The following USP4 variants were observed in gnomAD, a reference collection of about 807,000 sequenced individuals.
USP4 encodes ubiquitin specific peptidase 4.
A neutral mutation model predicts 118.2 loss-of-function variants in USP4; 72 were observed. The observed-to-expected ratio is 0.61, with a 90% CI of 0.50 to 0.74. The LOEUF is 0.74. USP4 is among the 30% of genes least tolerant of loss of function. USP4 has a pLI of 0.00. For missense variants in USP4, 1,037 were observed against 1,185.7 expected, an observed-to-expected ratio of 0.87 and a Z score of 1.84; for synonymous variants, 415 against 440.4, an observed-to-expected ratio of 0.94 and a Z score of 0.72.
chr3:49,283,238 T>G (rs545924649), intron 19 of USP4, among the ~76,000 whole-genome samples: 1 of 151,544 alleles, frequency 6.6e-6, no homozygotes, highest in African/African-American at 2.4e-5. Flanking sequence ...ATGGTCTCGA[T>G]CTCCAGACCT....
At chr3:49,316,128 G>A (rs1368889717) in intron 6 of USP4, among the ~76,000 whole-genome samples, 1 of 151,944 alleles carries the variant, frequency 6.6e-6, no homozygotes, top group East Asian at 1.9e-4. Flanking sequence ...CTTGAACCCG[G>A]GAGGTGGAGG....
At chr3:49,287,142 G>A (rs2047103214) in intron 15 of USP4, among the ~76,000 whole-genome samples, 1 of 151,810 alleles carries the variant, frequency 6.6e-6, no homozygotes, top group Non-Finnish European at 1.5e-5. Context: ...GTGAGCCACT[G>A]CACCTGGCCC....
Position 49,324,899 on chromosome 3 carries a change from C to T in USP4, c.628G>A (p.Gly210Ser). ...NTVQDAGLYQ[G>S]QVLVIEPQNE... The stretch of plus-strand genomic sequence containing the variant: ...AATGGCCAGGGCCCTCCTACCTGAC[C>T]CTGGTATAGCCCAGCATCCTGGACA... Residue 210 changes from glycine to serine, a missense_variant, in exon 5 of 22, where the codon GGT becomes AGT. Physicochemically the swap from Gly to Ser is moderately conservative, Grantham distance 56 (BLOSUM62 0). Transcript: ENST00000265560. 6.2e-7 allele frequency: 1 copy of T among 1,614,162 alleles called. No homozygotes were observed. Among genetic ancestry groups the T allele is most frequent in the Non-Finnish European group, 8.5e-7 (1 of 1,180,012 alleles).
chr3:49,324,325 A>C (rs2047529628), intron 6 of USP4, among the ~76,000 whole-genome samples: 1 of 152,140 alleles, frequency 6.6e-6, no homozygotes, highest in African/African-American at 2.4e-5. Context: ...AAGTCATATA[A>C]AACCCCATGC....
chr3:49,317,184 C>T, intron 6 of USP4: 5 of 1,481,160 alleles, frequency 3.4e-6, no homozygotes, highest in Non-Finnish European at 4.7e-6. Context: ...GGGAGCTCTC[C>T]AGCATCTTGA....
chr3:49,300,796 G>A, intron 10 of USP4, 105 bp from the exon 11 acceptor site: 2 of 995,082 alleles, frequency 2.0e-6, no homozygotes, highest in Non-Finnish European at 3.0e-6. Flanking sequence ...GTGGCAATCT[G>A]TACAGCCAAG....
intron 6 of USP4, chr3:49,312,564 G>A (rs1309028963): frequency 2.2e-6 from 1 of 449,162 alleles, no homozygotes; most frequent in South Asian, 1.6e-5. Flanking sequence ...AAGTTGCAGT[G>A]AGCCAAGATC....
chr3:49,292,628 AAGAT>A (rs1169304690), intron 14 of USP4, 30 bp from the exon 15 acceptor site: 1 of 1,462,390 alleles, frequency 6.8e-7, no homozygotes, highest in Admixed American at 2.3e-5. Flanking sequence ...GAAGAAAAAA[AAGAT>A]TGTTAGTTGT....
chr3:49,282,750 G>C (rs9833388), intron 19 of USP4, among the ~76,000 whole-genome samples: 128,648 of 151,594 alleles, frequency 0.85, 55,109 homozygotes, highest in East Asian at 1. Flanking sequence ...CTCTGTTGCT[G>C]AGGCTGGAGT....
Position 49,278,119 on chromosome 3 carries a change from G to A in USP4, c.*174C>T. ...AAAAATAATTCAGCCTCTTGACATA[G>A]CTTCTTCTAGGTAAACGGTCTTCTT... On this transcript the variant is annotated 3_prime_UTR_variant, in exon 22 of 22. Transcript: ENST00000265560. 2.8e-6 allele frequency: 2 copies of A among 713,276 alleles called. No homozygotes were observed. Among genetic ancestry groups the A allele is most frequent in the Non-Finnish European group, 4.3e-6 (2 of 469,530 alleles). 44.2% of individuals were successfully genotyped at this position (713,276 alleles called of 1,614,324 possible).
chr3:49,284,751 A>G, intron 17 of USP4, 98 bp downstream of exon 17: 3 of 1,300,290 alleles, frequency 2.3e-6, no homozygotes, highest in Non-Finnish European at 3.3e-6. Context: ...CTTAAATATA[A>G]CTTGCTAAAT....
chr3:49,306,392 G>A (rs2047318030), intron 8 of USP4, among the ~76,000 whole-genome samples: 4 of 151,680 alleles, frequency 2.6e-5, no homozygotes, highest in African/African-American at 9.7e-5. Flanking sequence ...CAGTAGAGAT[G>A]GGGTTTCACC....
intron 19 of USP4, 132 bp downstream of exon 19, chr3:49,283,855 C>G: frequency 9.4e-7 from 1 of 1,067,016 alleles, no homozygotes; most frequent in Non-Finnish European, 1.4e-6. Flanking sequence ...CAGCTAAACT[C>G]TGACCTCCTA....
At chr3:49,280,711 A>G (rs2047013548) in intron 20 of USP4, 33 bp downstream of exon 20, 2 of 1,575,932 alleles carry the variant, frequency 1.3e-6, no homozygotes, top group Non-Finnish European at 1.7e-6. Context: ...GCACATTTCA[A>G]CATCTCAGAA....
chr3:49,331,111 G>C (rs900459013), intron 2 of USP4, among the ~76,000 whole-genome samples: 1 of 150,318 alleles, frequency 6.7e-6, no homozygotes, highest in Non-Finnish European at 1.5e-5. Context: ...ACCTGAGGTC[G>C]AGAGTTCGAG....
At chr3:49,335,373 C>A (rs1170297682) in intron 2 of USP4, 96 bp downstream of exon 2, 30 of 1,543,800 alleles carry the variant, frequency 1.9e-5, no homozygotes, top group Non-Finnish European at 2.6e-5. Context: ...TATCTCCTCA[C>A]ACTAGGAAAG....
chr3:49,330,949 C>T (rs866896275), intron 2 of USP4, among the ~76,000 whole-genome samples: 2 of 149,774 alleles, frequency 1.3e-5, no homozygotes, highest in East Asian at 4.0e-4. Flanking sequence ...ACCCGGGAGG[C>T]GGAGCTTGCA....
At chr3:49,306,069 C>A (rs1182728845) in intron 8 of USP4, among the ~76,000 whole-genome samples, 181 bp from the exon 9 acceptor site, 2 of 151,870 alleles carry the variant, frequency 1.3e-5, no homozygotes, top group Non-Finnish European at 1.5e-5. Flanking sequence ...AAGGTGGACC[C>A]CTTGCAGCTA....
At chr3:49,305,576 G>T in intron 9 of USP4, 139 bp downstream of exon 9, 1 of 604,536 alleles carries the variant, frequency 1.7e-6, no homozygotes, top group Non-Finnish European at 2.6e-6. Flanking sequence ...TTAGATTTTG[G>T]AATGGGGATG....
Sources: allele counts gnomAD v4.1 joint callset (sites outside exome capture counted in the v4.1 genomes callset), GRCh38; gene constraint gnomAD v4.1.1; transcripts MANE v1.5; gene names NCBI Gene and HGNC (gene_info 2026-07-23, HGNC 2026-07-21).